The following CLSTN2 variants were observed in gnomAD, a reference collection of about 807,000 sequenced individuals.
CLSTN2 encodes the protein calsyntenin 2.
A neutral mutation model predicts 101.2 loss-of-function variants in CLSTN2; 48 were observed. That is an observed-to-expected ratio of 0.47 (90% CI 0.38 to 0.60). The LOEUF is 0.60. CLSTN2 is among the 20% of genes least tolerant of loss of function. The pLI is 0.00. For synonymous variants in CLSTN2, 481 were observed against 463.6 expected (o/e 1.04, Z -0.48); for missense variants, 1,160 against 1,238.2 (o/e 0.94, Z 0.95).
At position 140,311,454 on chromosome 3, in the gene CLSTN2, T is replaced by G. The variant is rs184971208; in HGVS notation, c.233-92175T>G. 5.4e-4 allele frequency among the ~76,000 whole-genome samples: 81 copies of G among 150,162 alleles called. 1 individual carries two copies. Among genetic ancestry groups the G allele is most frequent in the Non-Finnish European group, 5.0e-4 (34 of 67,612 alleles). On this transcript the variant is annotated intron_variant, in intron 2 of 16. Transcript: ENST00000458420. ...CCTAGTAGCTGGGATTACAGGTGTG[T>G]GCCACTATGCCTGGCTAATTTTTTT...
Position 140,403,640 on chromosome 3 carries a change from G to A in CLSTN2, c.244G>A (p.Ala82Thr). 4 of 1,610,160 alleles carry A rather than the reference G, an allele frequency of 2.5e-6. No homozygotes were observed. Among genetic ancestry groups the A allele is most frequent in the Non-Finnish European group, 3.4e-6 (4 of 1,178,102 alleles). Residue 82 changes from alanine to threonine, a missense_variant, in exon 3 of 17, where the codon GCG (alanine) becomes ACG (threonine). Coordinates refer to ENST00000458420, the MANE Select transcript of CLSTN2 (RefSeq NM_022131.3). Reference protein sequence around the residue: ...APVPFAGEICAFKIHGQELPF... With the variant: ...APVPFAGEICTFKIHGQELPF... ...CCATCCTTCTGCAGGGGAAATCTGT[G>A]CGTTCAAGATCCATGGCCAGGAGCT...
intron 2 of CLSTN2, among the ~76,000 whole-genome samples, chr3:140,246,515 G>A (rs1279510153): frequency 6.6e-6 from 1 of 152,138 alleles, no homozygotes; most frequent in African/African-American, 2.4e-5. Context: ...GTTATTTCAT[G>A]TTCCTAGGCC....
At chr3:140,513,144 G>A (rs1425469977) in intron 8 of CLSTN2, among the ~76,000 whole-genome samples, 2 of 152,126 alleles carry the variant, frequency 1.3e-5, no homozygotes, top group South Asian at 2.1e-4. Context: ...CCAATACAAT[G>A]TTGAATAGGA....
chr3:139,969,612 C>T (rs1346791093), intron 1 of CLSTN2, among the ~76,000 whole-genome samples: 1 of 152,204 alleles, frequency 6.6e-6, no homozygotes, highest in African/African-American at 2.4e-5. Flanking sequence ...CACATTCTCC[C>T]TGTTAGTCTG....
chr3:140,111,410 TGA>T (rs1229824636), intron 1 of CLSTN2, among the ~76,000 whole-genome samples: 1 of 152,264 alleles, frequency 6.6e-6, no homozygotes, highest in East Asian at 1.9e-4. Flanking sequence ...AATAGAAACA[TGA>T]GCCACTGGGG....
intron 8 of CLSTN2, among the ~76,000 whole-genome samples, chr3:140,528,584 C>A (rs982746411): frequency 6.7e-6 from 1 of 149,462 alleles, no homozygotes; most frequent in African/African-American, 2.5e-5. Context: ...TAGGAGTTAA[C>A]GAATGAGTGA....
chr3:139,996,623 G>A (rs1180140156), intron 1 of CLSTN2, among the ~76,000 whole-genome samples: 1 of 152,106 alleles, frequency 6.6e-6, no homozygotes, highest in Admixed American at 6.5e-5. Flanking sequence ...TGAACACTGA[G>A]TATTGTCAGA....
intron 1 of CLSTN2, among the ~76,000 whole-genome samples, chr3:140,116,069 C>T (rs1485315364): frequency 6.6e-6 from 1 of 152,156 alleles, no homozygotes; most frequent in Admixed American, 6.5e-5. Flanking sequence ...CGTTTTTGAC[C>T]CCTCCCAGAC....
At chr3:140,409,901 T>C (rs1340246716) in intron 4 of CLSTN2, among the ~76,000 whole-genome samples, 1 of 151,818 alleles carries the variant, frequency 6.6e-6, no homozygotes, top group Non-Finnish European at 1.5e-5. Flanking sequence ...AATGACTGAA[T>C]TTTAAAAATG....
chr3:140,155,359 A>G (rs2009938028), intron 1 of CLSTN2, among the ~76,000 whole-genome samples: 1 of 152,192 alleles, frequency 6.6e-6, no homozygotes, highest in Non-Finnish European at 1.5e-5. Context: ...AAAAAGCAGA[A>G]ATCAAGGTAC....
At chr3:140,360,368 A>T (rs1251521340) in intron 2 of CLSTN2, among the ~76,000 whole-genome samples, 3 of 152,228 alleles carry the variant, frequency 2.0e-5, no homozygotes, top group Non-Finnish European at 4.4e-5. Context: ...ATACACAGAA[A>T]AAATCCATAT....
chr3:139,972,291 G>C (rs1328989346), intron 1 of CLSTN2, among the ~76,000 whole-genome samples: 1 of 151,994 alleles, frequency 6.6e-6, no homozygotes, highest in East Asian at 1.9e-4. Flanking sequence ...ATAGGACCCT[G>C]GGGGGTGTGG....
chr3:140,366,051 A>T (rs2087784823), intron 2 of CLSTN2, among the ~76,000 whole-genome samples: 1 of 152,192 alleles, frequency 6.6e-6, no homozygotes. Context: ...GCCAAGGACA[A>T]GCTGACACAG....
intron 2 of CLSTN2, among the ~76,000 whole-genome samples, chr3:140,372,102 T>C (rs1427126445): frequency 6.6e-6 from 1 of 152,120 alleles, no homozygotes; most frequent in African/African-American, 2.4e-5. Flanking sequence ...GAGCAGGAGC[T>C]TTGTCTACTG....
intron 8 of CLSTN2, among the ~76,000 whole-genome samples, chr3:140,470,115 T>G (rs189357960): frequency 6.6e-6 from 1 of 152,352 alleles, no homozygotes; most frequent in East Asian, 1.9e-4. Flanking sequence ...CCTTGGGAAT[T>G]TCAGCATTTT....
chr3:140,484,041 C>T (rs1934185520), intron 8 of CLSTN2, among the ~76,000 whole-genome samples: 1 of 152,186 alleles, frequency 6.6e-6, no homozygotes, highest in Non-Finnish European at 1.5e-5. Flanking sequence ...TTAGTTGATG[C>T]ATTTTCTTCC....
In CLSTN2 at chr3:140,558,775, C is replaced by G. The variant is rs762132542; in HGVS notation, c.1959C>G (p.Ala653=). The change falls in exon 12 of 17, where the codon GCC becomes GCG. Residue 653 remains alanine (A), a synonymous_variant. Coordinates refer to ENST00000458420, the MANE Select transcript of CLSTN2 (RefSeq NM_022131.3). ...FWRPAAQFES[A]RGVTLFPDIK... ...GACCTGCTGCCCAGTTTGAAAGTGC[C>G]AGGGGAGTGACCCTCTTCCCTGATA... The G allele has an allele frequency of 4.3e-6, 7 of 1,613,906 alleles. No individual in the cohort carries two copies. Among genetic ancestry groups the G allele is most frequent in the South Asian group, 3.3e-5 (3 of 91,074 alleles).
intron 1 of CLSTN2, among the ~76,000 whole-genome samples, chr3:139,970,801 G>A (rs1421848928): frequency 6.6e-6 from 1 of 152,194 alleles, no homozygotes; most frequent in Non-Finnish European, 1.5e-5. Context: ...GTCATGACAG[G>A]ACAGTGGTCG....
chr3:140,559,775 C>T (rs1386005748), intron 12 of CLSTN2, among the ~76,000 whole-genome samples: 1 of 152,140 alleles, frequency 6.6e-6, no homozygotes, highest in Non-Finnish European at 1.5e-5. Context: ...CCCTGAGGAG[C>T]TGCTGTTATA....
Sources: allele counts gnomAD v4.1 joint callset (sites outside exome capture counted in the v4.1 genomes callset), GRCh38; gene constraint gnomAD v4.1.1; transcripts MANE v1.5; gene names NCBI Gene and HGNC (gene_info 2026-07-23, HGNC 2026-07-21).